Variants in RSPO2 observed in about 807,000 individuals in gnomAD.
RSPO2 encodes R-spondin 2.
Under a neutral mutation model 30.9 loss-of-function variants are expected in RSPO2, and 14 were observed. The observed-to-expected ratio is 0.45, with a 90% CI of 0.30 to 0.71. The LOEUF (loss-of-function observed/expected upper bound fraction) is 0.71, where lower values mean the gene tolerates loss of function less well. Ranked by LOEUF, RSPO2 falls within the 30% of genes least tolerant of loss-of-function variation. The probability of loss-of-function intolerance (pLI) is 0.08; values close to 1 mark genes in which losing one functional copy is unlikely to be tolerated. For synonymous variants in RSPO2, 107 were observed against 96.4 expected (o/e 1.11, Z -0.64); for missense variants, 264 against 301.9 (o/e 0.87, Z 0.93).
rs1298294166 is a variant in RSPO2 at position 108,024,278 on chromosome 8, G to A, written c.95-35034C>T. Among the ~76,000 whole-genome samples, 3 of 152,266 alleles carry A rather than the reference G, an allele frequency of 2.0e-5. No homozygotes were observed. The East Asian group carries it at 5.8e-4, about 29-fold the overall frequency. The stretch of plus-strand genomic sequence containing the variant: ...TTATTCTTTGCGGTCTGCACCTACA[G>A]ACTACTGGAAGCAACCTAAATGCCC... On this transcript the variant is annotated intron_variant, in intron 2 of 5. Coordinates refer to ENST00000276659, the MANE Select transcript of RSPO2 (RefSeq NM_178565.5).
intron 2 of RSPO2, among the ~76,000 whole-genome samples, chr8:108,034,028 A>C (rs765880837): frequency 6.6e-6 from 1 of 152,216 alleles, no homozygotes; most frequent in African/African-American, 2.4e-5. Context: ...ATGCAATGTG[A>C]AAAGTAATCT....
In RSPO2 at chr8:107,960,687, G is replaced by A. The variant is rs915907353; in HGVS notation, c.414C>T (p.Thr138=). 6.2e-7 allele frequency: 1 copy of A among 1,610,582 alleles called. No individual in the cohort carries two copies. The highest frequency in any genetic ancestry group is 1.3e-5 in the African/African-American group (1 of 74,890). The change falls in exon 4 of 6, where the codon ACC becomes ACT. Residue 138 remains threonine, a synonymous_variant. Transcript: ENST00000276659. ...CPDGFAPLEE[T]MECVEGCEVG... ...AAAACTACTCACCCACACATTCCATGGTTTCTTCTAATGGTGCAAAACCAT... is the reference window on the plus strand; with the variant it reads ...AAAACTACTCACCCACACATTCCATAGTTTCTTCTAATGGTGCAAAACCAT...
At chr8:107,983,710 T>C in intron 3 of RSPO2, 3 of 1,589,598 alleles carry the variant, frequency 1.9e-6, no homozygotes, top group Non-Finnish European at 2.6e-6. Flanking sequence ...AAATAACAAC[T>C]AAAGGCTGAA....
At chr8:107,909,267 T>TTG (rs1373866066) in intron 5 of RSPO2, among the ~76,000 whole-genome samples, 2 of 149,672 alleles carry the variant, frequency 1.3e-5, no homozygotes, top group East Asian at 3.9e-4. Context: ...TTGTTTTTTT[T>TTG]TTTTTTTTTT....
intron 2 of RSPO2, among the ~76,000 whole-genome samples, chr8:108,064,673 G>T (rs187524885): frequency 6.6e-6 from 1 of 152,134 alleles, no homozygotes; most frequent in African/African-American, 2.4e-5. Flanking sequence ...TCATTACTGG[G>T]TATATACCCA....
chr8:108,013,123 T>C (rs895300462), intron 2 of RSPO2, among the ~76,000 whole-genome samples: 1 of 152,116 alleles, frequency 6.6e-6, no homozygotes, highest in African/African-American at 2.4e-5. Context: ...CATCTACAAA[T>C]TTAGTTAAAT....
chr8:107,927,386 A>C (rs1201401728), intron 5 of RSPO2, among the ~76,000 whole-genome samples: 5 of 152,204 alleles, frequency 3.3e-5, no homozygotes, highest in South Asian at 2.1e-4. Context: ...AATACCCTTT[A>C]TTTCTTTCTC....
intron 3 of RSPO2, among the ~76,000 whole-genome samples, chr8:107,981,816 T>C (rs1814445183): frequency 6.6e-6 from 1 of 151,604 alleles, no homozygotes; most frequent in Non-Finnish European, 1.5e-5. Context: ...ATGGCAAGAC[T>C]TCATCTCTAA....
At chr8:107,902,723 T>C (rs554296033) in intron 5 of RSPO2, among the ~76,000 whole-genome samples, 152 of 152,246 alleles carry the variant, frequency 1.0e-3, no homozygotes, top group African/African-American at 3.5e-3. Flanking sequence ...ACTTAGTCGA[T>C]AGTCAATAAA....
intron 2 of RSPO2, among the ~76,000 whole-genome samples, chr8:108,046,188 G>A (rs1179690489): frequency 2.0e-5 from 3 of 152,080 alleles, no homozygotes; most frequent in Non-Finnish European, 4.4e-5. Flanking sequence ...TTAGGCCTAC[G>A]GCTTTATGAA....
chr8:108,020,881 T>C (rs891063213), intron 2 of RSPO2, among the ~76,000 whole-genome samples: 13 of 152,152 alleles, frequency 8.5e-5, no homozygotes, highest in African/African-American at 2.9e-4. Context: ...TATATGTATG[T>C]CTTCCCCAGT....
intron 3 of RSPO2, among the ~76,000 whole-genome samples, chr8:107,979,058 T>C (rs1330293359): frequency 1.3e-5 from 2 of 152,088 alleles, no homozygotes; most frequent in African/African-American, 4.8e-5. Flanking sequence ...TGTGGAGAAA[T>C]AGGAACACTT....
intron 5 of RSPO2, among the ~76,000 whole-genome samples, chr8:107,933,464 C>A (rs1014410065): frequency 1.3e-5 from 2 of 152,034 alleles, no homozygotes; most frequent in African/African-American, 4.8e-5. Context: ...AAATTTATCA[C>A]CCTCTCTCTA....
intron 5 of RSPO2, among the ~76,000 whole-genome samples, chr8:107,909,421 C>T (rs1469545284): frequency 1.3e-5 from 2 of 151,990 alleles, no homozygotes; most frequent in South Asian, 2.1e-4. Flanking sequence ...TGCCACCATG[C>T]CTGGATACTT....
At chr8:108,064,273 T>C (rs1032886900) in intron 2 of RSPO2, among the ~76,000 whole-genome samples, 2 of 152,154 alleles carry the variant, frequency 1.3e-5, no homozygotes, top group Admixed American at 6.5e-5. Flanking sequence ...ATTTTTGCAA[T>C]CTACTCCTCT....
At chr8:108,071,328 C>G (rs1031428981) in intron 2 of RSPO2, among the ~76,000 whole-genome samples, 1 of 152,182 alleles carries the variant, frequency 6.6e-6, no homozygotes, top group African/African-American at 2.4e-5. Context: ...AGAATCATAT[C>G]AGCCACTGCT....
intron 5 of RSPO2, among the ~76,000 whole-genome samples, chr8:107,908,269 A>G (rs1333567937): frequency 2.6e-5 from 4 of 152,200 alleles, no homozygotes; most frequent in Admixed American, 1.3e-4. Flanking sequence ...CAACAAGGTA[A>G]TCTGAATGAG....
At chr8:107,958,017 G>A (rs759795583) in intron 5 of RSPO2, 63 bp downstream of exon 5, 1 of 1,089,732 alleles carries the variant, frequency 9.2e-7, no homozygotes, top group Non-Finnish European at 1.3e-6. Flanking sequence ...AAGGGAAGGT[G>A]GTTAGGAAGC....
chr8:108,011,357 T>C (rs1285288604), intron 2 of RSPO2, among the ~76,000 whole-genome samples: 1 of 151,974 alleles, frequency 6.6e-6, no homozygotes, highest in Non-Finnish European at 1.5e-5. Context: ...TTTTAAAAAA[T>C]CTTGCAAAAA....
Sources: gnomAD v4.1 joint callset for allele counts (sites outside exome capture counted in the v4.1 genomes callset) on GRCh38, gnomAD v4.1.1 for gene constraint, MANE v1.5 for transcripts, NCBI Gene and HGNC (gene_info 2026-07-23, HGNC 2026-07-21) for gene names.